The following STMND1 variants were observed in gnomAD, a reference collection of about 807,000 sequenced individuals.
The protein encoded by STMND1 is stathmin domain containing 1, also known as stathmin domain-containing protein 1.
A neutral mutation model predicts 23.0 loss-of-function variants in STMND1; 17 were observed. The ratio of observed to expected loss-of-function variants is 0.74; its 90% CI spans 0.51 to 1.11. The LOEUF (loss-of-function observed/expected upper bound fraction) is 1.11, where lower values mean the gene tolerates loss of function less well. Ranked by LOEUF, STMND1 falls within the 50% of genes least tolerant of loss-of-function variation. The pLI is 0.00. For synonymous variants in STMND1, 114 were observed against 119.9 expected (o/e 0.95, Z 0.32); for missense variants, 305 against 329.1 (o/e 0.93, Z 0.57).
Position 17,120,755 on chromosome 6 carries a change from C to T in STMND1, c.408C>T (p.Val136=). ...TTAGAAATGGAGAATCATATGATGTCACGGCAAGTAATTTTGTAATTAACA... is the reference window on the plus strand; with the variant it reads ...TTAGAAATGGAGAATCATATGATGTTACGGCAAGTAATTTTGTAATTAACA... ...KVFRNGESYD[V]TLTTTEKPLR... The change falls in exon 3 of 5, where the codon GTC becomes GTT. Residue 136 remains valine (V), a synonymous_variant. Coordinates refer to ENST00000536551, the MANE Select transcript of STMND1 (RefSeq NM_001190766.2). The T allele has an allele frequency of 6.6e-7, 1 of 1,521,398 alleles. No homozygotes were observed. The highest frequency in any genetic ancestry group is 8.8e-7 in the Non-Finnish European group (1 of 1,141,572). 94.2% of individuals were successfully genotyped at this position (1,521,398 alleles called of 1,614,324 possible). A position where few individuals can be genotyped will look rare whatever the true frequency, so the allele number is the denominator to read the frequency against.
chr6:17,116,373 G>C (rs926899823), intron 2 of STMND1, among the ~76,000 whole-genome samples: 7 of 152,126 alleles, frequency 4.6e-5, no homozygotes, highest in African/African-American at 1.4e-4. Context: ...CCTCTGCCCA[G>C]TTTTCTCTCT....
intron 1 of STMND1, among the ~76,000 whole-genome samples, chr6:17,108,791 A>C (rs1453882365): frequency 6.8e-6 from 1 of 148,014 alleles, no homozygotes; most frequent in Non-Finnish European, 1.5e-5. Flanking sequence ...CCGCCTCTCG[A>C]GTTCAAGTGA....
chr6:17,114,414 G>A (rs752032524), intron 1 of STMND1, among the ~76,000 whole-genome samples: 9 of 151,982 alleles, frequency 5.9e-5, no homozygotes, highest in Admixed American at 2.0e-4. Context: ...ACAGGCACCC[G>A]CCACCATGCC....
At chr6:17,113,955 A>G (rs1201199687) in intron 1 of STMND1, among the ~76,000 whole-genome samples, 2 of 152,194 alleles carry the variant, frequency 1.3e-5, no homozygotes, top group African/African-American at 4.8e-5. Flanking sequence ...TACTGCTGCT[A>G]TAGCCAATTC....
chr6:17,103,681 C>T (rs570650953), intron 1 of STMND1, among the ~76,000 whole-genome samples: 2 of 149,932 alleles, frequency 1.3e-5, no homozygotes, highest in Admixed American at 6.7e-5. Context: ...AAGCAATTCT[C>T]CTGCCTCAGC....
intron 4 of STMND1, among the ~76,000 whole-genome samples, 200 bp from the exon 5 acceptor site, chr6:17,130,394 C>T (rs1489943286): frequency 6.6e-6 from 1 of 152,184 alleles, no homozygotes; most frequent in African/African-American, 2.4e-5. Flanking sequence ...ATTGGCCTAT[C>T]AGAGAGCAAG....
rs896706988 is a variant in STMND1 at position 17,102,179 on chromosome 6, C to G, written c.-79C>G. On this transcript the variant is annotated 5_prime_UTR_variant, in exon 1 of 5. Coordinates refer to ENST00000536551, the MANE Select transcript of STMND1 (RefSeq NM_001190766.2). ...GCAGGGCGCAGGAGCGCGGGACCAC[C>G]GGCGCCGGAGCGCGGCAGGGAGCGC... 1 of 1,383,146 alleles carries G rather than the reference C, an allele frequency of 7.2e-7. No homozygotes were observed. Among genetic ancestry groups the G allele is most frequent in the Non-Finnish European group, 9.4e-7 (1 of 1,068,720 alleles). 85.7% of individuals were successfully genotyped at this position (1,383,146 alleles called of 1,614,324 possible). A position where few individuals can be genotyped will look rare whatever the true frequency, so the allele number is the denominator to read the frequency against.
At position 17,115,031 on chromosome 6, in the gene STMND1, A is replaced by G. The variant is rs1232499163; in HGVS notation, c.151A>G (p.Thr51Ala). The change falls in exon 2 of 5, where the codon ACT becomes GCT. Residue 51 changes from threonine (T) to alanine (A), a missense_variant. By Grantham distance (58) the Thr-to-Ala change is moderately conservative. Transcript: ENST00000536551. Reference protein sequence around the residue: ...PRMEAALTKNTVDIAEGLEQV... With the variant: ...PRMEAALTKNAVDIAEGLEQV... ...GATGGAAGCTGCTCTGACCAAGAAT[A>G]CTGTGGACATTGCAGAAGGCCTGGA... 1 of 1,535,860 alleles carries G rather than the reference A, an allele frequency of 6.5e-7. No homozygotes were observed. Among genetic ancestry groups the G allele is most frequent in the Non-Finnish European group, 8.7e-7 (1 of 1,146,850 alleles).
At chr6:17,120,550 G>GA (rs931918403) in intron 2 of STMND1, 57 bp from the exon 3 acceptor site, 21 of 1,386,246 alleles carry the variant, frequency 1.5e-5, no homozygotes, top group Middle Eastern at 1.8e-4. Context: ...GCATTTGATT[G>GA]AAAAAATCTT....
rs1368757142 is a variant in STMND1 at position 17,102,206 on chromosome 6, C to A, written c.-52C>A. The A allele has an allele frequency of 2.0e-6, 3 of 1,483,260 alleles. No individual in the cohort carries two copies. Among genetic ancestry groups the A allele is most frequent in the African/African-American group, 1.5e-5 (1 of 68,744 alleles). The allele number at this position is 1,483,260 out of a possible 1,614,324, so 91.9% of individuals were successfully genotyped here. Reference sequence around the variant, plus strand: ...GCGCCGGAGCGCGGCAGGGAGCGCTCGCGGGGGCGCACAGCAGCCAAGCCC... The same window carrying A: ...GCGCCGGAGCGCGGCAGGGAGCGCTAGCGGGGGCGCACAGCAGCCAAGCCC... On this transcript the variant is annotated 5_prime_UTR_variant, in exon 1 of 5. Transcript: ENST00000536551.
At chr6:17,118,241 G>A (rs1055038120) in intron 2 of STMND1, among the ~76,000 whole-genome samples, 2 of 152,066 alleles carry the variant, frequency 1.3e-5, no homozygotes, top group Non-Finnish European at 2.9e-5. Context: ...TGCTTATGAA[G>A]AGTTTCCAAT....
chr6:17,124,813 C>G (rs1349082226), intron 3 of STMND1, among the ~76,000 whole-genome samples: 1 of 150,562 alleles, frequency 6.6e-6, no homozygotes, highest in Non-Finnish European at 1.5e-5. Flanking sequence ...CCCTGGGCAA[C>G]ATGGTAAAAC....
At chr6:17,108,705 T>TC (rs1443840150) in intron 1 of STMND1, among the ~76,000 whole-genome samples, 1 of 150,766 alleles carries the variant, frequency 6.6e-6, no homozygotes, top group East Asian at 1.9e-4. Context: ...TCTTTTTTTT[T>TC]TTTTTGAGAT....
At chr6:17,111,966 C>T (rs1761102181) in intron 1 of STMND1, among the ~76,000 whole-genome samples, 1 of 152,176 alleles carries the variant, frequency 6.6e-6, no homozygotes, top group African/African-American at 2.4e-5. Flanking sequence ...CCCGCATGGC[C>T]TAATCAACTC....
chr6:17,112,339 C>G (rs1466976903), intron 1 of STMND1, among the ~76,000 whole-genome samples: 1 of 151,992 alleles, frequency 6.6e-6, no homozygotes, highest in Non-Finnish European at 1.5e-5. Context: ...GATGACTGTA[C>G]CACATTTTAT....
intron 3 of STMND1, among the ~76,000 whole-genome samples, chr6:17,126,055 TA>T (rs1561925712): frequency 0.023 from 776 of 33,068 alleles, 24 homozygotes; most frequent in Non-Finnish European, 0.036. Context: ...TATATATATA[TA>T]TATATATATA....
intron 1 of STMND1, 92 bp from the exon 2 acceptor site, chr6:17,114,870 T>C (rs1761137141): frequency 1.5e-6 from 2 of 1,339,194 alleles, no homozygotes; most frequent in East Asian, 2.5e-5. Flanking sequence ...CCACAGATAC[T>C]AGCTGGCTAA....
intron 1 of STMND1, among the ~76,000 whole-genome samples, chr6:17,113,763 C>T (rs774973533): frequency 5.9e-5 from 9 of 152,004 alleles, no homozygotes; most frequent in Non-Finnish European, 8.8e-5. Context: ...CCACCACATC[C>T]AGCCTGTATT....
intron 3 of STMND1, chr6:17,128,866 C>A (rs554397856): frequency 4.2e-5 from 14 of 334,198 alleles, no homozygotes; most frequent in South Asian, 4.1e-4. Flanking sequence ...GCACACACCA[C>A]CATGCCTGGC....
Sources: gnomAD v4.1 joint callset for allele counts (sites outside exome capture counted in the v4.1 genomes callset) on GRCh38, gnomAD v4.1.1 for gene constraint, MANE v1.5 for transcripts, NCBI Gene and HGNC (gene_info 2026-07-23, HGNC 2026-07-21) for gene names.